Variants in NRCAM observed in about 807,000 individuals in gnomAD.
NRCAM encodes NgCAM-related cell adhesion molecule.
NRCAM carries 83 observed loss-of-function variants against 156.5 expected under a neutral mutation model. That is an observed-to-expected ratio of 0.53 (90% CI 0.44 to 0.64). The LOEUF is 0.64. Ranked by LOEUF, NRCAM falls within the 30% of genes least tolerant of loss-of-function variation. The probability of loss-of-function intolerance (pLI) is 0.00; values close to 1 mark genes in which losing one functional copy is unlikely to be tolerated. For missense variants in NRCAM, 1,417 were observed against 1,597.3 expected (o/e 0.89, Z 1.92); for synonymous variants, 538 against 563.9 (o/e 0.95, Z 0.65).
At chr7:108,195,229 T>G (rs766996717) in intron 15 of NRCAM, among the ~76,000 whole-genome samples, 1 of 151,996 alleles carries the variant, frequency 6.6e-6, no homozygotes, top group East Asian at 1.9e-4. Context: ...TGTAGATCTG[T>G]GCTTGATAGA....
chr7:108,191,608 G>C (rs2071589217), intron 18 of NRCAM, 121 bp downstream of exon 18: 1 of 1,198,890 alleles, frequency 8.3e-7, no homozygotes, highest in Non-Finnish European at 1.1e-6. Context: ...GAAAAACATG[G>C]GTATGAACTC....
intron 2 of NRCAM, among the ~76,000 whole-genome samples, chr7:108,388,892 G>A (rs1260052008): frequency 2.0e-5 from 3 of 150,882 alleles, no homozygotes; most frequent in Non-Finnish European, 2.9e-5. Context: ...TTAATTCTGA[G>A]GGCTCTGTTC....
intron 3 of NRCAM, among the ~76,000 whole-genome samples, chr7:108,265,687 T>A (rs1369606013): frequency 6.6e-6 from 1 of 152,244 alleles, no homozygotes; most frequent in Non-Finnish European, 1.5e-5. Flanking sequence ...TACTTTATCT[T>A]TACAGGAGTT....
chr7:108,421,277 G>A (rs1035585427), intron 1 of NRCAM, among the ~76,000 whole-genome samples: 3 of 152,082 alleles, frequency 2.0e-5, no homozygotes, highest in African/African-American at 7.2e-5. Flanking sequence ...AGTGTGAGCC[G>A]GATATTAGTA....
intron 3 of NRCAM, among the ~76,000 whole-genome samples, chr7:108,308,686 T>C (rs1375819257): frequency 3.9e-5 from 6 of 152,194 alleles, no homozygotes. Context: ...CAAGAGAAAA[T>C]GCTGATGTCT....
chr7:108,299,110 A>AAAAAAAAAAAAAAAAAGAAAGAAAGAAAG (rs1563163335), intron 3 of NRCAM, among the ~76,000 whole-genome samples: 1 of 16,650 alleles, frequency 6.0e-5, no homozygotes, highest in African/African-American at 1.2e-4. Flanking sequence ...CATCTCAAAA[A>AAAAAAAAAAAAAAAAAGAAAGAAAGAAAG]AAAAAAAGAA....
intron 2 of NRCAM, among the ~76,000 whole-genome samples, chr7:108,345,717 AC>A (rs1408590487): frequency 6.6e-6 from 1 of 152,206 alleles, no homozygotes; most frequent in Non-Finnish European, 1.5e-5. Context: ...CAGGAACCCC[AC>A]CAGCTGACAT....
At position 108,185,734 on chromosome 7, in the gene NRCAM, G is replaced by GA. The variant is rs1587013659; in HGVS notation, c.2036-1121_2036-1120insT. ...CTGTCTCAAAAAAGAGAGAGAGAGA[G>GA]GAAAAAAAAAAAAAAAGAATAGGGC... On this transcript the variant is annotated intron_variant, in intron 20 of 32. Transcript: ENST00000379028. Among the ~76,000 whole-genome samples, 5 of 31,446 alleles carry GA rather than the reference G, an allele frequency of 1.6e-4. No homozygotes were observed. In the East Asian group the frequency reaches 0.015, roughly 94 times the overall value. The allele number at this position is 31,446 out of a possible 152,430, so 20.6% of individuals were successfully genotyped here.
At chr7:108,202,270 A>G (rs10487842) in intron 13 of NRCAM, among the ~76,000 whole-genome samples, 37,738 of 152,110 alleles carry the variant, frequency 0.25, 4,874 homozygotes, top group Non-Finnish European at 0.27. Context: ...GTAAAAATAT[A>G]AACACTTTCA....
chr7:108,243,693 CTT>C (rs1466209733), intron 3 of NRCAM, among the ~76,000 whole-genome samples: 1 of 152,138 alleles, frequency 6.6e-6, no homozygotes, highest in Non-Finnish European at 1.5e-5. Context: ...GTAGATTCGT[CTT>C]CTGAAAAATA....
chr7:108,351,511 G>C lies in NRCAM; in HGVS notation c.-173-38780C>G, dbSNP rs567253443. On this transcript the variant is annotated intron_variant, in intron 2 of 32. Coordinates refer to ENST00000379028, the MANE Select transcript of NRCAM (RefSeq NM_001037132.4). ...ACACTGGTAGATGCAAGAAGCAACA[G>C]CACTATTGGACTGATTGGATCAGGG... Among the ~76,000 whole-genome samples, 51 of 152,288 alleles carry C rather than the reference G, an allele frequency of 3.3e-4. 1 individual carries two copies. The highest frequency in any genetic ancestry group is 2.2e-3 in the Admixed American group (34 of 15,302).
At chr7:108,154,912 A>G (rs762256334) in intron 32 of NRCAM, among the ~76,000 whole-genome samples, 1 of 151,984 alleles carries the variant, frequency 6.6e-6, no homozygotes. Context: ...TTATGACTCT[A>G]TGAGAAGCAC....
intron 2 of NRCAM, among the ~76,000 whole-genome samples, chr7:108,313,951 T>C (rs2098841841): frequency 6.6e-6 from 1 of 152,170 alleles, no homozygotes; most frequent in Admixed American, 6.5e-5. Context: ...AAATAAAATA[T>C]AAATACTTCA....
chr7:108,401,760 ACT>A (rs1042145781), intron 1 of NRCAM, among the ~76,000 whole-genome samples: 1 of 151,654 alleles, frequency 6.6e-6, no homozygotes, highest in Non-Finnish European at 1.5e-5. Flanking sequence ...TAACAAAGCT[ACT>A]CTCTCTCCCG....
At chr7:108,446,033 A>G (rs763913325) in intron 1 of NRCAM, among the ~76,000 whole-genome samples, 4 of 152,200 alleles carry the variant, frequency 2.6e-5, no homozygotes, top group Non-Finnish European at 4.4e-5. Context: ...TAACTCAGTC[A>G]GTGTGCAGCC....
At chr7:108,403,126 A>C (rs1164196878) in intron 1 of NRCAM, among the ~76,000 whole-genome samples, 2 of 152,132 alleles carry the variant, frequency 1.3e-5, no homozygotes, top group Non-Finnish European at 2.9e-5. Context: ...AGATTACAGC[A>C]CTCCATTTAC....
chr7:108,217,441 G>C (rs547918291), intron 11 of NRCAM, among the ~76,000 whole-genome samples: 1 of 152,200 alleles, frequency 6.6e-6, no homozygotes, highest in African/African-American at 2.4e-5. Context: ...AGCAGAGCTC[G>C]AGCACTGTGC....
At chr7:108,436,474 G>A (rs935956709) in intron 1 of NRCAM, among the ~76,000 whole-genome samples, 2 of 152,158 alleles carry the variant, frequency 1.3e-5, no homozygotes, top group African/African-American at 4.8e-5. Flanking sequence ...CAGATAAAGT[G>A]ATATGCCTTC....
intron 2 of NRCAM, among the ~76,000 whole-genome samples, chr7:108,352,513 C>T (rs2099422260): frequency 6.6e-6 from 1 of 152,162 alleles, no homozygotes; most frequent in African/African-American, 2.4e-5. Context: ...GTTGCTCTGC[C>T]TGTGTTTTTG....
Sources: gnomAD v4.1 joint callset for allele counts (sites outside exome capture counted in the v4.1 genomes callset) on GRCh38, gnomAD v4.1.1 for gene constraint, MANE v1.5 for transcripts, NCBI Gene and HGNC (gene_info 2026-07-23, HGNC 2026-07-21) for gene names.